FMN2: variants seen among roughly 807,000 people sequenced by gnomAD.
FMN2 encodes formin-2.
In FMN2, 51 loss-of-function variants were observed where a neutral mutation model predicts 142.3. The ratio of observed to expected loss-of-function variants is 0.36; its 90% CI spans 0.29 to 0.45. The LOEUF (loss-of-function observed/expected upper bound fraction) is 0.45, where lower values mean the gene tolerates loss of function less well. FMN2 is among the 20% of genes least tolerant of loss of function. FMN2 has a pLI of 1.00. For synonymous variants in FMN2, 882 were observed against 869.8 expected, an observed-to-expected ratio of 1.01 and a Z score of -0.25; for missense variants, 1,936 against 2,122.8, an observed-to-expected ratio of 0.91 and a Z score of 1.73.
intron 16 of FMN2, among the ~76,000 whole-genome samples, chr1:240,439,696 TG>T (rs1361584086): frequency 2.6e-5 from 4 of 152,172 alleles, no homozygotes; most frequent in Non-Finnish European, 5.9e-5. Context: ...TATATGCAGG[TG>T]GGGTAGAAGA....
intron 15 of FMN2, among the ~76,000 whole-genome samples, chr1:240,397,754 C>T (rs902187044): frequency 7.0e-6 from 1 of 141,850 alleles, no homozygotes; most frequent in Non-Finnish European, 1.5e-5. Context: ...CGCACTGCTG[C>T]ACTCCAGCCC....
chr1:240,105,988 G>A (rs190667782), intron 1 of FMN2, among the ~76,000 whole-genome samples: 168 of 151,918 alleles, frequency 1.1e-3, no homozygotes, highest in Non-Finnish European at 1.6e-3. Context: ...CACTTTTTGG[G>A]GAGCCATATT....
intron 4 of FMN2, among the ~76,000 whole-genome samples, chr1:240,197,804 G>T (rs552924863): frequency 6.6e-6 from 1 of 151,914 alleles, no homozygotes; most frequent in Non-Finnish European, 1.5e-5. Flanking sequence ...GAGTAGCTGG[G>T]ATTACAGGTA....
chr1:240,279,536 G>A (rs1235412634), intron 7 of FMN2, among the ~76,000 whole-genome samples: 1 of 152,138 alleles, frequency 6.6e-6, no homozygotes, highest in South Asian at 2.1e-4. Flanking sequence ...AATTCCCTTA[G>A]CAGTCCACTT....
intron 2 of FMN2, among the ~76,000 whole-genome samples, chr1:240,159,909 A>ATATATATATATATATATATATCTGTGTG (rs1558328454): frequency 1.3e-5 from 1 of 78,242 alleles, no homozygotes; most frequent in African/African-American, 8.0e-5. Context: ...ATCTGTGTAT[A>ATATATATATATATATATATATCTGTGTG]TATATATATA....
At chr1:240,437,486 T>G (rs1338829927) in intron 15 of FMN2, among the ~76,000 whole-genome samples, 1 of 151,776 alleles carries the variant, frequency 6.6e-6, no homozygotes, top group African/African-American at 2.4e-5. Flanking sequence ...GTAATTTTAG[T>G]AGAGACAGGG....
In FMN2 at chr1:240,251,995, G is replaced by A. The variant is rs145051514; in HGVS notation, c.4066-5950G>A. ...GCTATCTCGGCTCAGTGCAACCTCC[G>A]CCTCCCGGGTTAAAGCAGTTCTCCT... is the stretch of plus-strand genomic sequence containing the variant. On this transcript the variant is annotated intron_variant, in intron 6 of 17. Transcript: ENST00000319653. Among the ~76,000 whole-genome samples the A allele has an allele frequency of 5.6e-3, 848 of 152,196 alleles. 9 individuals are homozygous for A. Among genetic ancestry groups the A allele is most frequent in the Non-Finnish European group, 6.9e-3 (466 of 67,994 alleles).
At chr1:240,191,657 C>A (rs1665705638) in intron 4 of FMN2, among the ~76,000 whole-genome samples, 1 of 152,156 alleles carries the variant, frequency 6.6e-6, no homozygotes, top group South Asian at 2.1e-4. Context: ...AGCTTAGTGT[C>A]AATTATTTTA....
intron 2 of FMN2, among the ~76,000 whole-genome samples, chr1:240,125,702 G>A (rs1006116248): frequency 2.0e-5 from 3 of 152,156 alleles, no homozygotes; most frequent in Non-Finnish European, 4.4e-5. Context: ...GAAAAGAATA[G>A]GGTAATCCTA....
At chr1:240,413,793 C>A (rs530128621) in intron 15 of FMN2, among the ~76,000 whole-genome samples, 1 of 152,170 alleles carries the variant, frequency 6.6e-6, no homozygotes, top group Non-Finnish European at 1.5e-5. Flanking sequence ...AAACTGCATT[C>A]GTGCCTTCAA....
chr1:240,109,060 A>T (rs2103190473), intron 1 of FMN2, among the ~76,000 whole-genome samples: 1 of 152,218 alleles, frequency 6.6e-6, no homozygotes, highest in African/African-American at 2.4e-5. Context: ...AAACCCAAAA[A>T]ACCCACATGC....
At chr1:240,250,752 T>A (rs1384259070) in intron 6 of FMN2, among the ~76,000 whole-genome samples, 1 of 151,986 alleles carries the variant, frequency 6.6e-6, no homozygotes, top group Non-Finnish European at 1.5e-5. Flanking sequence ...TTATTACTGA[T>A]TCAATCTCAC....
At chr1:240,320,279 A>G (rs1558431179) in intron 8 of FMN2, among the ~76,000 whole-genome samples, 1 of 152,108 alleles carries the variant, frequency 6.6e-6, no homozygotes, top group Non-Finnish European at 1.5e-5. Context: ...GGGAGAGGGA[A>G]GGTTTGTTAG....
intron 15 of FMN2, among the ~76,000 whole-genome samples, chr1:240,394,739 G>A (rs1558469277): frequency 6.6e-6 from 1 of 152,066 alleles, no homozygotes; most frequent in Non-Finnish European, 1.5e-5. Flanking sequence ...AGCCCAAGAC[G>A]GGTGAATCAC....
intron 15 of FMN2, among the ~76,000 whole-genome samples, chr1:240,427,755 G>T (rs1364964363): frequency 6.6e-6 from 1 of 152,026 alleles, no homozygotes; most frequent in Non-Finnish European, 1.5e-5. Flanking sequence ...TTTTAGATAG[G>T]TAGTTAGCTC....
At position 240,103,853 on chromosome 1, in the gene FMN2, C is replaced by T. The variant is rs550783751; in HGVS notation, c.1615+10129C>T. ...TTGAGTTTAAATTCTTTACTATGTA[C>T]ATATTAAATATATTAATATAGACAT... On this transcript the variant is annotated intron_variant, in intron 1 of 17. Coordinates refer to ENST00000319653, the MANE Select transcript of FMN2 (RefSeq NM_020066.5). 1.1e-4 allele frequency among the ~76,000 whole-genome samples: 16 copies of T among 152,204 alleles called. 1 individual carries two copies. The South Asian group carries it at 3.3e-3, about 32-fold the overall frequency.
At chr1:240,241,288 T>G (rs571133720) in intron 6 of FMN2, among the ~76,000 whole-genome samples, 3 of 151,902 alleles carry the variant, frequency 2.0e-5, no homozygotes, top group Admixed American at 6.6e-5. Flanking sequence ...TTTCAGCTTT[T>G]TCTAAGAAAG....
chr1:240,142,593 C>T (rs1378430974), intron 2 of FMN2: 25 of 1,424,062 alleles, frequency 1.8e-5, no homozygotes, highest in Non-Finnish European at 2.4e-5. Flanking sequence ...AAGTCTGCAG[C>T]TGTGTCCACC....
At chr1:240,212,931 G>A (rs1171745774) in intron 6 of FMN2, among the ~76,000 whole-genome samples, 1 of 151,800 alleles carries the variant, frequency 6.6e-6, no homozygotes, top group African/African-American at 2.4e-5. Flanking sequence ...CACCCCTTTT[G>A]TTTTTTTGTG....
Sources: gnomAD v4.1 joint callset for allele counts (sites outside exome capture counted in the v4.1 genomes callset) on GRCh38, gnomAD v4.1.1 for gene constraint, MANE v1.5 for transcripts, NCBI Gene and HGNC (gene_info 2026-07-23, HGNC 2026-07-21) for gene names.